UTRN: variants seen among roughly 807,000 people sequenced by gnomAD.
UTRN encodes utrophin, also known as dystrophin-related protein 1.
UTRN carries 283 observed loss-of-function variants against 463.9 expected under a neutral mutation model. The observed-to-expected ratio is 0.61, with a 90% CI of 0.55 to 0.67. UTRN has a LOEUF of 0.67. Ranked by LOEUF, UTRN falls within the 30% of genes least tolerant of loss-of-function variation. The pLI, the probability that UTRN is intolerant of heterozygous loss-of-function variation, is 0.00. For synonymous variants in UTRN, 1,442 were observed against 1,431.5 expected, an observed-to-expected ratio of 1.01 and a Z score of -0.17; for missense variants, 3,922 against 4,084.3, an observed-to-expected ratio of 0.96 and a Z score of 1.08.
At chr6:144,742,857 T>C (rs927398653) in intron 54 of UTRN, among the ~76,000 whole-genome samples, 4 of 152,218 alleles carry the variant, frequency 2.6e-5, no homozygotes, top group African/African-American at 9.6e-5. Flanking sequence ...ACTTGATTGT[T>C]TTAATATTTC....
intron 2 of UTRN, among the ~76,000 whole-genome samples, chr6:144,379,140 T>C (rs1780700814): frequency 6.6e-6 from 1 of 152,198 alleles, no homozygotes; most frequent in Admixed American, 6.5e-5. Context: ...AGTTACATAG[T>C]ATGTGTTTAT....
chr6:144,828,130 T>TTCC (rs1780351294), intron 68 of UTRN, among the ~76,000 whole-genome samples: 1 of 152,166 alleles, frequency 6.6e-6, no homozygotes, highest in African/African-American at 2.4e-5. Flanking sequence ...AGAAAAGTGG[T>TTCC]ATATACTAGG....
intron 12 of UTRN, 38 bp downstream of exon 12, chr6:144,438,933 T>A (rs765822319): frequency 6.2e-7 from 1 of 1,606,014 alleles, no homozygotes; most frequent in African/African-American, 1.3e-5. Context: ...CCTTATCAAA[T>A]ATGAAAGAGC....
At chr6:144,758,846 C>A (rs1467171178) in intron 58 of UTRN, among the ~76,000 whole-genome samples, 1 of 152,042 alleles carries the variant, frequency 6.6e-6, no homozygotes, top group Non-Finnish European at 1.5e-5. Context: ...TACTTATTGT[C>A]AGGAGACAGC....
chr6:144,747,710 A>G (rs1396314018), intron 54 of UTRN, among the ~76,000 whole-genome samples: 1 of 152,208 alleles, frequency 6.6e-6, no homozygotes, highest in African/African-American at 2.4e-5. Context: ...CCTTTATTAA[A>G]ACTAAACTGC....
intron 69 of UTRN, among the ~76,000 whole-genome samples, chr6:144,830,251 AAAAAG>A (rs1196644914): frequency 6.6e-6 from 1 of 152,152 alleles, no homozygotes; most frequent in South Asian, 2.1e-4. Context: ...AACATTTTTT[AAAAAG>A]AAAAGAAAAA....
intron 26 of UTRN, 57 bp downstream of exon 26, chr6:144,480,039 C>T (rs1362346483): frequency 6.4e-7 from 1 of 1,560,618 alleles, no homozygotes; most frequent in Non-Finnish European, 8.7e-7. Flanking sequence ...CCCTTTAAAA[C>T]CAGCACATCA....
intron 2 of UTRN, among the ~76,000 whole-genome samples, chr6:144,384,832 A>G (rs894248348): frequency 6.6e-6 from 1 of 152,156 alleles, no homozygotes; most frequent in Admixed American, 6.5e-5. Context: ...GGTTGCTTCC[A>G]TCTTTTAGCT....
At chr6:144,740,792 T>G (rs1404983551) in intron 54 of UTRN, among the ~76,000 whole-genome samples, 1 of 152,224 alleles carries the variant, frequency 6.6e-6, no homozygotes, top group Non-Finnish European at 1.5e-5. Context: ...AAATCTCATT[T>G]AAATAAACAA....
chr6:144,797,702 A>G (rs760614487), intron 63 of UTRN, 122 bp from the exon 64 acceptor site: 35 of 970,262 alleles, frequency 3.6e-5, no homozygotes, highest in Non-Finnish European at 5.2e-5. Context: ...CTTAACTGAC[A>G]TGGAAAGAGT....
chr6:144,715,693 T>TCCCCCCCCCC (rs10660006), intron 53 of UTRN, among the ~76,000 whole-genome samples: 3 of 131,024 alleles, frequency 2.3e-5, no homozygotes, highest in Middle Eastern at 3.8e-3. Context: ...CTCTCTCTCT[T>TCCCCCCCCCC]CCCCCCCCAC....
At chr6:144,534,248 G>A (rs535412190) in intron 43 of UTRN, among the ~76,000 whole-genome samples, 1 of 152,250 alleles carries the variant, frequency 6.6e-6, no homozygotes, top group South Asian at 2.1e-4. Context: ...GAGAGTATCT[G>A]GCACCTTGCA....
chr6:144,750,284 T>G (rs1472543257), intron 55 of UTRN, among the ~76,000 whole-genome samples: 1 of 152,216 alleles, frequency 6.6e-6, no homozygotes, highest in African/African-American at 2.4e-5. Flanking sequence ...TGTTTTTCTG[T>G]GTGTGCACAT....
At chr6:144,349,552 TA>T (rs1404574144) in intron 2 of UTRN, among the ~76,000 whole-genome samples, 2 of 152,236 alleles carry the variant, frequency 1.3e-5, no homozygotes, top group African/African-American at 4.8e-5. Flanking sequence ...ATAAATTCTG[TA>T]AAAATTATAA....
intron 24 of UTRN, among the ~76,000 whole-genome samples, chr6:144,474,239 A>T (rs1001947618): frequency 6.6e-6 from 1 of 151,724 alleles, no homozygotes; most frequent in South Asian, 2.1e-4. Context: ...GCAATATACA[A>T]TGACTCCATG....
At chr6:144,306,188 A>T (rs1805722133) in intron 2 of UTRN, among the ~76,000 whole-genome samples, 1 of 151,996 alleles carries the variant, frequency 6.6e-6, no homozygotes, top group Admixed American at 6.6e-5. Flanking sequence ...CTGGTTTGGG[A>T]AGGCCTTGCT....
At chr6:144,751,379 A>T (rs1191094882) in intron 55 of UTRN, among the ~76,000 whole-genome samples, 1 of 152,244 alleles carries the variant, frequency 6.6e-6, no homozygotes, top group Non-Finnish European at 1.5e-5. Flanking sequence ...ATTTTTGGGT[A>T]ATAAACAATG....
chr6:144,775,256 AGCTG>A (rs1775220724), intron 60 of UTRN, among the ~76,000 whole-genome samples: 1 of 152,182 alleles, frequency 6.6e-6, no homozygotes, highest in African/African-American at 2.4e-5. Context: ...ATAAATTTTA[AGCTG>A]GCTGCACGAA....
chr6:144,470,775 G>A lies in UTRN; in HGVS notation c.3067-2945G>A, dbSNP rs892845663. ...TGAGTGAGACTCCGTCTGCAATCCC[G>A]GTACCTCGGGAGGCCGAGGCTGGCA... On this transcript the variant is annotated intron_variant, in intron 23 of 74. Coordinates refer to ENST00000367545, the MANE Select transcript of UTRN (RefSeq NM_007124.3). Among the ~76,000 whole-genome samples the A allele has an allele frequency of 3.9e-5, 6 of 151,998 alleles. 1 individual carries two copies. The South Asian group carries it at 6.2e-4, about 16-fold the overall frequency.
Sources: allele counts gnomAD v4.1 joint callset (sites outside exome capture counted in the v4.1 genomes callset), GRCh38; gene constraint gnomAD v4.1.1; transcripts MANE v1.5; gene names NCBI Gene and HGNC (gene_info 2026-07-23, HGNC 2026-07-21).